MEX3D: variants seen among roughly 807,000 people sequenced by gnomAD.
MEX3D encodes the protein mex-3 RNA binding family member D.
MEX3D carries 4 observed loss-of-function variants against 6.3 expected under a neutral mutation model. That is an observed-to-expected ratio of 0.64 (90% CI 0.31 to 1.46). MEX3D has a LOEUF of 1.46. Ranked by LOEUF, MEX3D falls within the 40% of genes most tolerant of loss-of-function variation. The pLI is 0.07. For missense variants in MEX3D, 1,038 were observed against 994.4 expected (o/e 1.04, Z -0.59); for synonymous variants, 626 against 494.1 (o/e 1.27, Z -3.54).
At chr19:1,558,361 T>A (rs1914631481) in intron 1 of MEX3D, among the ~76,000 whole-genome samples, 1 of 148,844 alleles carries the variant, frequency 6.7e-6, no homozygotes, top group African/African-American at 2.5e-5. Flanking sequence ...CAAAGCCTTG[T>A]CTCAAAAAAA....
chr19:1,568,243 G>T lies in MEX3D; in HGVS notation c.-185C>A, dbSNP rs1599331104. Among the ~76,000 whole-genome samples, 1 of 141,494 alleles carries T rather than the reference G, an allele frequency of 7.1e-6. No homozygotes were observed. The highest frequency in any genetic ancestry group is 1.6e-5 in the Non-Finnish European group (1 of 63,892). The allele number at this position is 141,494 out of a possible 152,430, so 92.8% of individuals were successfully genotyped here. A position where few individuals can be genotyped will look rare whatever the true frequency, so the allele number is the denominator to read the frequency against. On this transcript the variant is annotated 5_prime_UTR_variant, in exon 1 of 2. Coordinates refer to ENST00000402693, the MANE Select transcript of MEX3D (RefSeq NM_203304.4). ...GCTCGGGGCCGGGCCGGGCCGGGCC[G>T]GGCGGCGGCAGCGACTCTGGCTGCG... is the stretch of plus-strand genomic sequence containing the variant.
At position 1,556,822 on chromosome 19, in the gene MEX3D, C is replaced by T. The variant is rs1914583747; in HGVS notation, c.697G>A (p.Val233Met). The T allele has an allele frequency of 1.9e-6, 3 of 1,612,654 alleles. No individual in the cohort carries two copies. The highest frequency in any genetic ancestry group is 2.5e-6 in the Non-Finnish European group (3 of 1,179,818). ...AGGATCTCACGCTTGGCCATCTCCA[C>T]GTCCTCCTTCCGGCCGGTCACGATG... Reference protein sequence around the residue: ...VFIVTGRKEDVEMAKREILSA... With the variant: ...VFIVTGRKEDMEMAKREILSA... The change falls in exon 2 of 2, where the codon GTG (valine) becomes ATG (methionine). Residue 233 changes from valine (V) to methionine (M), a missense_variant. Physicochemically the swap from Val to Met is conservative, Grantham distance 21. Around this residue, in one of 5 missense-constraint regions of MEX3D, gnomAD observed 75 missense variants for 125.1 expected, o/e 0.60. Transcript: ENST00000402693. This position sits in a 1 kb window ranked among gnomAD's most constrained non-coding sequence, Gnocchi z 7.5.
In MEX3D at chr19:1,558,407, G is replaced by A. The variant is rs181862323; in HGVS notation, c.596-1484C>T. Among the ~76,000 whole-genome samples, 386 of 151,828 alleles carry A rather than the reference G, an allele frequency of 2.5e-3. 1 individual carries two copies. The highest frequency in any genetic ancestry group is 4.7e-3 in the Non-Finnish European group (316 of 67,956). On this transcript the variant is annotated intron_variant, in intron 1 of 1. Coordinates refer to ENST00000402693, the MANE Select transcript of MEX3D (RefSeq NM_203304.4). ...AAAAAAAAAGACACACACACACAGA[G>A]AAGCTGGCCTTGTGGAGACACAGAC...
Position 1,556,180 on chromosome 19 carries a change from C to A in MEX3D, c.1339G>T (p.Ala447Ser). The change falls in exon 2 of 2, where the codon GCC becomes TCC. Residue 447 changes from alanine to serine, a missense_variant. Physicochemically the swap from Ala to Ser is moderately conservative, Grantham distance 99 (BLOSUM62 1). Coordinates refer to ENST00000402693, the MANE Select transcript of MEX3D (RefSeq NM_203304.4). This position sits in a 1 kb window ranked among gnomAD's most constrained non-coding sequence, Gnocchi z 7.5. ...AAGCCGAAGTCGCAGTCGTCGGGGGCGGCCGTCCCCACCGGGGCACCGGGA... is the reference window on the plus strand; with the variant it reads ...AAGCCGAAGTCGCAGTCGTCGGGGGAGGCCGTCCCCACCGGGGCACCGGGA... The part of the protein sequence containing the change: ...EGPGAPVGTA[A>S]PDDCDFGFDF... 3 of 1,458,722 alleles carry A rather than the reference C, an allele frequency of 2.1e-6. No homozygotes were observed. Among genetic ancestry groups the A allele is most frequent in the East Asian group, 3.2e-5 (1 of 31,742 alleles). 90.4% of individuals were successfully genotyped at this position (1,458,722 alleles called of 1,614,324 possible).
At chr19:1,565,950 G>A (rs779566589) in intron 1 of MEX3D, among the ~76,000 whole-genome samples, 5 of 152,220 alleles carry the variant, frequency 3.3e-5, no homozygotes, top group African/African-American at 4.8e-5. Flanking sequence ...CGTTCACAAA[G>A]AACACAGCCA....
chr19:1,565,279 C>T (rs1226040735), intron 1 of MEX3D, among the ~76,000 whole-genome samples: 6 of 152,192 alleles, frequency 3.9e-5, no homozygotes, highest in Non-Finnish European at 5.9e-5. Flanking sequence ...CAGTGGCTCA[C>T]GCCTGTAATC....
At chr19:1,558,756 C>T (rs144162846) in intron 1 of MEX3D, among the ~76,000 whole-genome samples, 10 of 152,324 alleles carry the variant, frequency 6.6e-5, no homozygotes, top group South Asian at 2.1e-4. Context: ...CGACTGCAGA[C>T]GCCCGCACCC....
At chr19:1,559,158 T>C (rs1051286670) in intron 1 of MEX3D, among the ~76,000 whole-genome samples, 2 of 151,808 alleles carry the variant, frequency 1.3e-5, no homozygotes, top group Non-Finnish European at 2.9e-5. Flanking sequence ...TGAGACGGAG[T>C]TTTGCTCTTG....
chr19:1,562,628 G>A (rs1412762919), intron 1 of MEX3D, among the ~76,000 whole-genome samples: 1 of 152,152 alleles, frequency 6.6e-6, no homozygotes, highest in Non-Finnish European at 1.5e-5. Context: ...AGCCCAGGAG[G>A]TTGAGGCTGC....
At position 1,556,107 on chromosome 19, in the gene MEX3D, G is replaced by T; in HGVS notation, c.1412C>A (p.Thr471Asn). ...ALDLTVPAAA[T>N]IWAPFERAAP... The stretch of plus-strand genomic sequence containing the variant: ...GGCGCGCTCAAAAGGCGCCCAGATG[G>T]TGGCCGCGGCGGGCACGGTCAGGTC... Residue 471 changes from threonine to asparagine, a missense_variant, in exon 2 of 2, where the codon ACC becomes AAC. By Grantham distance (65) the Thr-to-Asn change is moderately conservative (BLOSUM62 0). Around this residue, in one of 5 missense-constraint regions of MEX3D, gnomAD observed 581 missense variants for 516.2 expected, o/e 1.13. Transcript: ENST00000402693. This position sits in a 1 kb window ranked among gnomAD's most constrained non-coding sequence, Gnocchi z 7.5. 1 of 1,451,708 alleles carries T rather than the reference G, an allele frequency of 6.9e-7. No individual in the cohort carries two copies. 89.9% of individuals were successfully genotyped at this position (1,451,708 alleles called of 1,614,324 possible).
chr19:1,565,871 C>G (rs79820194), intron 1 of MEX3D, among the ~76,000 whole-genome samples: 2 of 152,214 alleles, frequency 1.3e-5, no homozygotes, highest in African/African-American at 2.4e-5. Flanking sequence ...CTCAGCCTGA[C>G]GCTGATTCCT....
Position 1,556,767 on chromosome 19 carries a change from C to T in MEX3D, c.752G>A (p.Arg251His), listed in dbSNP as rs1484763595. ...ACCCCCGGCCTTGCTGCGCGTGGCG[C>T]GGATGATGGAGAAGTGTTCGGCCGC... Reference protein sequence around the residue: ...LSAAEHFSIIRATRSKAGGLP... With the variant: ...LSAAEHFSIIHATRSKAGGLP... The change falls in exon 2 of 2, where the codon CGC becomes CAC. Residue 251 changes from arginine to histidine, a missense_variant. Arg to His is a conservative substitution (Grantham distance 29). Around this residue, in one of 5 missense-constraint regions of MEX3D, gnomAD observed 52 missense variants for 37.4 expected, o/e 1.39. Coordinates refer to ENST00000402693, the MANE Select transcript of MEX3D (RefSeq NM_203304.4). The surrounding 1 kb of genome is among the most constrained non-coding windows in gnomAD (Gnocchi z 7.5). 6 of 1,612,368 alleles carry T rather than the reference C, an allele frequency of 3.7e-6. No individual in the cohort carries two copies. The highest frequency in any genetic ancestry group is 5.1e-6 in the Non-Finnish European group (6 of 1,179,760).
rs1238943977 is a variant in MEX3D, at chr19:1,567,036, G to A, written c.595+428C>T. 6.6e-6 allele frequency among the ~76,000 whole-genome samples: 1 copy of A among 152,120 alleles called. No homozygotes were observed. Among genetic ancestry groups the A allele is most frequent in the African/African-American group, 2.4e-5 (1 of 41,420 alleles). On this transcript the variant is annotated intron_variant, in intron 1 of 1. Transcript: ENST00000402693. This position sits in a 1 kb window ranked among gnomAD's most constrained non-coding sequence, Gnocchi z 6.5. The stretch of plus-strand genomic sequence containing the variant: ...ACTGTCAGCCTTCTCTCCCGGTCCT[G>A]CAGGCGGCCCCCCTAAGCCACCCCT...
At position 1,555,612 on chromosome 19, in the gene MEX3D, C is replaced by T; in HGVS notation, c.1907G>A (p.Cys636Tyr). The change falls in exon 2 of 2, where the codon TGT becomes TAT. Residue 636 changes from cysteine (C) to tyrosine (Y), a missense_variant. By Grantham distance (194) the Cys-to-Tyr change is radical. Around this residue, in one of 5 missense-constraint regions of MEX3D, gnomAD observed 581 missense variants for 516.2 expected, o/e 1.13. Transcript: ENST00000402693. ...VRICGKSEPE[C>Y]PACRTPATQA... Reference sequence around the variant, plus strand: ...GGTGGCCGGCGTGCGGCAGGCGGGACACTCGGGCTCGCTCTTGCCGCAGAT... The same window carrying T: ...GGTGGCCGGCGTGCGGCAGGCGGGATACTCGGGCTCGCTCTTGCCGCAGAT... 3 of 1,591,718 alleles carry T rather than the reference C, an allele frequency of 1.9e-6. No homozygotes were observed. Among genetic ancestry groups the T allele is most frequent in the Non-Finnish European group, 2.6e-6 (3 of 1,171,384 alleles).
intron 1 of MEX3D, among the ~76,000 whole-genome samples, chr19:1,566,445 G>T (rs942325122): frequency 6.6e-6 from 1 of 152,204 alleles, no homozygotes; most frequent in Admixed American, 6.5e-5. Context: ...CTCTGGCCTG[G>T]ATTCCCGAGG....
intron 1 of MEX3D, among the ~76,000 whole-genome samples, chr19:1,558,746 C>G (rs139256868): frequency 8.5e-4 from 130 of 152,310 alleles, no homozygotes; most frequent in African/African-American, 2.8e-3. Flanking sequence ...GGTCTCGGCC[C>G]GACTGCAGAC....
Position 1,567,491 on chromosome 19 carries a change from G to T in MEX3D, c.568C>A (p.His190Asn), listed in dbSNP as rs1384957540. 6.4e-7 allele frequency: 1 copy of T among 1,573,258 alleles called. No homozygotes were observed. The highest frequency in any genetic ancestry group is 1.4e-5 in the African/African-American group (1 of 70,874). ...TECVPVPSSE[H>N]VAEIVGRQGC... ...TGGCGACCCACGATCTCGGCGACGTGCTCGGAGCTGGGCACCGGGACGCAC... is the reference window on the plus strand; with the variant it reads ...TGGCGACCCACGATCTCGGCGACGTTCTCGGAGCTGGGCACCGGGACGCAC... Residue 190 changes from histidine to asparagine, a missense_variant, in exon 1 of 2, where the codon CAC becomes AAC. His to Asn is a moderately conservative substitution (Grantham distance 68). Transcript: ENST00000402693. This position sits in a 1 kb window ranked among gnomAD's most constrained non-coding sequence, Gnocchi z 6.5.
At chr19:1,559,012 T>C (rs1162978199) in intron 1 of MEX3D, among the ~76,000 whole-genome samples, 2 of 151,874 alleles carry the variant, frequency 1.3e-5, no homozygotes, top group Non-Finnish European at 2.9e-5. Context: ...TTTTTGAGAT[T>C]ATCTCACTCT....
At position 1,567,413 on chromosome 19, in the gene MEX3D, C is replaced by T; in HGVS notation, c.595+51G>A. The T allele has an allele frequency of 6.7e-7, 1 of 1,503,558 alleles. No homozygotes were observed. Among genetic ancestry groups the T allele is most frequent in the Non-Finnish European group, 8.8e-7 (1 of 1,130,844 alleles). The allele number at this position is 1,503,558 out of a possible 1,614,324, so 93.1% of individuals were successfully genotyped here. A position where few individuals can be genotyped will look rare whatever the true frequency, so the allele number is the denominator to read the frequency against. ...GCTCGGGCGACCCCCTTCCCCGGGG[C>T]GGACGGTGCGGGGACCCCCAGGACA... is the stretch of plus-strand genomic sequence containing the variant. On this transcript the variant is annotated intron_variant, in intron 1 of 1. Coordinates refer to ENST00000402693, the MANE Select transcript of MEX3D (RefSeq NM_203304.4). This position sits in a 1 kb window ranked among gnomAD's most constrained non-coding sequence, Gnocchi z 6.5.
Sources: gnomAD v4.1 joint callset for allele counts (sites outside exome capture counted in the v4.1 genomes callset) on GRCh38, gnomAD v4.1.1 for gene constraint, gnomAD v4.1.1 regional missense constraint, Gnocchi (gnomAD v3.1) non-coding constraint, MANE v1.5 for transcripts, NCBI Gene and HGNC (gene_info 2026-07-23, HGNC 2026-07-21) for gene names.